Variants in CRTC3 observed in about 807,000 individuals in gnomAD.
CRTC3 encodes the protein CREB-regulated transcription coactivator 3.
In CRTC3, 26 loss-of-function variants were observed where a neutral mutation model predicts 74.5. The observed-to-expected ratio is 0.35, with a 90% CI of 0.26 to 0.48. The LOEUF (loss-of-function observed/expected upper bound fraction) is 0.48. Ranked by LOEUF, CRTC3 falls within the 20% of genes least tolerant of loss-of-function variation. CRTC3 has a pLI of 0.99. For missense variants in CRTC3, 760 were observed against 787.3 expected (o/e 0.97, Z 0.41); for synonymous variants, 377 against 325.8 (o/e 1.16, Z -1.69).
chr15:90,620,190 C>T (rs748224062), intron 9 of CRTC3: 4 of 210,028 alleles, frequency 1.9e-5, no homozygotes, highest in Non-Finnish European at 2.9e-5. Flanking sequence ...GTTCACCTGG[C>T]AGCTTAATGG....
chr15:90,572,388 A>G (rs1967291740), intron 2 of CRTC3, among the ~76,000 whole-genome samples: 1 of 152,158 alleles, frequency 6.6e-6, no homozygotes, highest in Non-Finnish European at 1.5e-5. Flanking sequence ...ATCGTGTTGG[A>G]TATTTACATA....
chr15:90,556,594 G>A (rs1239764251), intron 2 of CRTC3, among the ~76,000 whole-genome samples: 1 of 152,124 alleles, frequency 6.6e-6, no homozygotes, highest in Non-Finnish European at 1.5e-5. Context: ...GACCAAGGCT[G>A]CCTAGCAAAT....
chr15:90,568,371 T>A (rs1025596314), intron 2 of CRTC3, among the ~76,000 whole-genome samples: 2 of 151,948 alleles, frequency 1.3e-5, no homozygotes, highest in African/African-American at 4.8e-5. Context: ...TTTTTTTTTT[T>A]AAATAGTCTC....
intron 11 of CRTC3, among the ~76,000 whole-genome samples, chr15:90,635,241 A>AAGCT (rs1969190727): frequency 6.6e-6 from 1 of 151,992 alleles, no homozygotes; most frequent in Non-Finnish European, 1.5e-5. Flanking sequence ...GGACACTGAG[A>AAGCT]AGCTGGCTGG....
chr15:90,578,805 C>T (rs968413462), intron 2 of CRTC3, among the ~76,000 whole-genome samples: 2 of 152,050 alleles, frequency 1.3e-5, no homozygotes, highest in Admixed American at 1.3e-4. Flanking sequence ...TTGAGAATGC[C>T]AATATATTAC....
intron 2 of CRTC3, among the ~76,000 whole-genome samples, chr15:90,550,864 T>C (rs1193807799): frequency 2.0e-5 from 3 of 148,914 alleles, no homozygotes; most frequent in African/African-American, 5.0e-5. Context: ...GGATGAGCTC[T>C]GCCTGTCCTG....
chr15:90,598,690 G>A, intron 3 of CRTC3: 2 of 604,336 alleles, frequency 3.3e-6, no homozygotes. Flanking sequence ...GCTGTCTTGG[G>A]TACTTTTGGC....
chr15:90,566,136 C>T (rs972067046), intron 2 of CRTC3, among the ~76,000 whole-genome samples: 2 of 152,154 alleles, frequency 1.3e-5, no homozygotes, highest in African/African-American at 4.8e-5. Context: ...TTCCCTTAAG[C>T]CAAAGGCTAA....
At chr15:90,629,040 ATC>A (rs943226349) in intron 10 of CRTC3, among the ~76,000 whole-genome samples, 192 bp from the exon 11 acceptor site, 1 of 152,116 alleles carries the variant, frequency 6.6e-6, no homozygotes, top group Non-Finnish European at 1.5e-5. Flanking sequence ...TTGTGGCCCC[ATC>A]TCTGTTAGTG....
intron 6 of CRTC3, among the ~76,000 whole-genome samples, chr15:90,611,157 A>G (rs2151085385): frequency 6.6e-6 from 1 of 152,264 alleles, no homozygotes; most frequent in Non-Finnish European, 1.5e-5. Context: ...CAGGGACAGG[A>G]GGGCCCAGAG....
chr15:90,623,962 C>T (rs987983970), intron 9 of CRTC3, among the ~76,000 whole-genome samples: 6 of 152,206 alleles, frequency 3.9e-5, no homozygotes, highest in African/African-American at 1.4e-4. Context: ...GTTCTTTAGC[C>T]TTTAAACTAA....
chr15:90,592,481 C>T (rs1260639977), intron 2 of CRTC3, among the ~76,000 whole-genome samples: 1 of 152,158 alleles, frequency 6.6e-6, no homozygotes, highest in African/African-American at 2.4e-5. Context: ...TTTATTGGCC[C>T]AGCCTAGGAT....
At chr15:90,634,726 T>C (rs552796000) in intron 11 of CRTC3, 4 of 776,358 alleles carry the variant, frequency 5.2e-6, no homozygotes, top group Admixed American at 1.9e-5. Context: ...AAGGGAGTCA[T>C]GGCAGGACAA....
chr15:90,598,650 G>T, intron 3 of CRTC3: 1 of 626,282 alleles, frequency 1.6e-6, no homozygotes, highest in Non-Finnish European at 2.9e-6. Flanking sequence ...TAAGGGGACA[G>T]TGATTGGTTG....
intron 7 of CRTC3, among the ~76,000 whole-genome samples, chr15:90,617,322 G>A (rs1220832095): frequency 6.6e-6 from 1 of 152,084 alleles, no homozygotes; most frequent in Non-Finnish European, 1.5e-5. Flanking sequence ...CCACTGACTA[G>A]ATTACACATT....
intron 7 of CRTC3, among the ~76,000 whole-genome samples, chr15:90,615,438 G>T (rs1207069726): frequency 6.6e-6 from 1 of 152,206 alleles, no homozygotes; most frequent in Admixed American, 6.5e-5. Flanking sequence ...AGACCCTAGG[G>T]GGGACATGAT....
At chr15:90,610,681 A>G (rs1968335094) in intron 6 of CRTC3, among the ~76,000 whole-genome samples, 2 of 152,342 alleles carry the variant, frequency 1.3e-5, no homozygotes, top group African/African-American at 4.8e-5. Flanking sequence ...CCCTGGCAGC[A>G]TGTGCACCTT....
intron 2 of CRTC3, among the ~76,000 whole-genome samples, chr15:90,588,378 A>G (rs1390718184): frequency 6.6e-6 from 1 of 150,926 alleles, no homozygotes; most frequent in Non-Finnish European, 1.5e-5. Flanking sequence ...ACTCTCAACA[A>G]ACATTTATTT....
chr15:90,534,288 A>C (rs1489147675), intron 1 of CRTC3, among the ~76,000 whole-genome samples: 1 of 152,170 alleles, frequency 6.6e-6, no homozygotes, highest in African/African-American at 2.4e-5. Flanking sequence ...TTAAGTGGAC[A>C]CTGGCAGGAG....
Sources: allele counts gnomAD v4.1 joint callset (sites outside exome capture counted in the v4.1 genomes callset), GRCh38; gene constraint gnomAD v4.1.1; transcripts MANE v1.5; gene names NCBI Gene and HGNC (gene_info 2026-07-23, HGNC 2026-07-21).